The following DOT1L variants were observed in gnomAD, a reference collection of about 807,000 sequenced individuals.
DOT1L encodes DOT1 like histone lysine methyltransferase, also known as histone-lysine N-methyltransferase, H3 lysine-79 specific.
A neutral mutation model predicts 153.3 loss-of-function variants in DOT1L; 33 were observed. The observed-to-expected ratio is 0.22, with a 90% CI of 0.16 to 0.29. The LOEUF is 0.29. Among genes scored for constraint, DOT1L ranks in the 10% least tolerant of loss-of-function variants. DOT1L has a pLI of 1.00. For synonymous variants in DOT1L, 1,135 were observed against 965.1 expected, an observed-to-expected ratio of 1.18 and a Z score of -3.26; for missense variants, 1,847 against 2,119.9, an observed-to-expected ratio of 0.87 and a Z score of 2.53.
intron 9 of DOT1L, among the ~76,000 whole-genome samples, chr19:2,205,143 T>TGTA (rs977845623): frequency 4.6e-5 from 7 of 152,106 alleles, no homozygotes; most frequent in African/African-American, 1.7e-4. Context: ...GCTAATTTTT[T>TGTA]TGTATTTTTA....
At chr19:2,200,760 C>T (rs535587461) in intron 8 of DOT1L, among the ~76,000 whole-genome samples, 279 of 150,506 alleles carry the variant, frequency 1.9e-3, no homozygotes, top group African/African-American at 6.4e-3. Flanking sequence ...TCGTCCTCCC[C>T]GCATTCTTCA....
chr19:2,227,987 C>T (rs1225684666), intron 27 of DOT1L: 2 of 1,279,010 alleles, frequency 1.6e-6, no homozygotes, highest in South Asian at 1.3e-5. Context: ...CCGTCCTCCA[C>T]GCCCCCCCTC....
chr19:2,217,152 G>A lies in DOT1L; in HGVS notation c.2544+62G>A. ...TGCTCAGCAGAGGCGGCCTGAGCGA[G>A]TTGCTAGCAGGAGGGCTTGTCCTAG... On this transcript the variant is annotated intron_variant, in intron 21 of 27. Coordinates refer to ENST00000398665, the MANE Select transcript of DOT1L (RefSeq NM_032482.3). The surrounding 1 kb of genome is among the most constrained non-coding windows in gnomAD (Gnocchi z 7.3). 1 of 1,498,056 alleles carries A rather than the reference G, an allele frequency of 6.7e-7. No homozygotes were observed. Among genetic ancestry groups the A allele is most frequent in the Non-Finnish European group, 8.9e-7 (1 of 1,126,304 alleles). 92.8% of individuals were successfully genotyped at this position (1,498,056 alleles called of 1,614,324 possible).
In DOT1L at chr19:2,228,434, C is replaced by T. The variant is rs542797116; in HGVS notation, c.4606+1307C>T. ...TCACTCCAGACACTGAACTGTCCTTCCTTTGGCAGAGAAGACGGCCACAGG... is the reference window on the plus strand; with the variant it reads ...TCACTCCAGACACTGAACTGTCCTTTCTTTGGCAGAGAAGACGGCCACAGG... On this transcript the variant is annotated intron_variant, in intron 27 of 27. Coordinates refer to ENST00000398665, the MANE Select transcript of DOT1L (RefSeq NM_032482.3). 101 of 1,234,126 alleles carry T rather than the reference C, an allele frequency of 8.2e-5. 2 individuals are homozygous for T. The South Asian group carries it at 1.3e-3, about 16-fold the overall frequency. The allele number at this position is 1,234,126 out of a possible 1,614,324, so 76.4% of individuals were successfully genotyped here. A position where few individuals can be genotyped will look rare whatever the true frequency, so the allele number is the denominator to read the frequency against.
rs575658632 is a variant in DOT1L at position 2,191,632 on chromosome 19, C to T, written c.493+392C>T. On this transcript the variant is annotated intron_variant, in intron 5 of 27. Transcript: ENST00000398665. The surrounding 1 kb of genome is among the most constrained non-coding windows in gnomAD (Gnocchi z 6.8). The stretch of plus-strand genomic sequence containing the variant: ...ACGGCTGCAGCCTGCCGCAGTCCTT[C>T]CCTGGGCACACCTGCTCCCTCCACA... Among the ~76,000 whole-genome samples, 3 of 152,306 alleles carry T rather than the reference C, an allele frequency of 2.0e-5. No individual in the cohort carries two copies. The highest frequency in any genetic ancestry group is 6.5e-5 in the Admixed American group (1 of 15,310).
chr19:2,180,082 T>A (rs901263307), intron 1 of DOT1L, among the ~76,000 whole-genome samples: 1 of 152,016 alleles, frequency 6.6e-6, no homozygotes, highest in African/African-American at 2.4e-5. Context: ...CGGGGAGGGA[T>A]CTGTGTTAGG....
At chr19:2,184,565 A>C (rs1599550992) in intron 2 of DOT1L, among the ~76,000 whole-genome samples, 1 of 151,794 alleles carries the variant, frequency 6.6e-6, no homozygotes, top group South Asian at 2.1e-4. Context: ...TCCCTCCCTG[A>C]CCCCTCCTGC....
intron 1 of DOT1L, among the ~76,000 whole-genome samples, chr19:2,171,622 G>A (rs964488933): frequency 1.3e-5 from 2 of 152,184 alleles, no homozygotes; most frequent in South Asian, 4.1e-4. Flanking sequence ...GACCGCCGCC[G>A]GGTGTCGCTC....
chr19:2,223,266 T>C lies in DOT1L; in HGVS notation c.3391-15T>C, dbSNP rs2144911787. 1 of 1,612,974 alleles carries C rather than the reference T, an allele frequency of 6.2e-7. No individual in the cohort carries two copies. The highest frequency in any genetic ancestry group is 1.1e-5 in the South Asian group (1 of 91,036). ...GTCTGTGGTATGTGCATCCATTGTG[T>C]CTGTCTGCCCTCAGGTCAGTAACAT... is the stretch of plus-strand genomic sequence containing the variant. On this transcript the variant is annotated splice_polypyrimidine_tract_variant and intron_variant, in intron 24 of 27. Coordinates refer to ENST00000398665, the MANE Select transcript of DOT1L (RefSeq NM_032482.3).
Position 2,211,198 on chromosome 19 carries a change from T to A in DOT1L, c.1451T>A (p.Leu484Gln). The part of the protein sequence containing the change: ...PLLVAPTPPA[L>Q]QKLLESFKIQ... ...CTGGTGGCGCCCACCCCGCCCGCGCTGCAGAAGCTTCTAGGTGAGCCCGTG... is the reference window on the plus strand; with the variant it reads ...CTGGTGGCGCCCACCCCGCCCGCGCAGCAGAAGCTTCTAGGTGAGCCCGTG... Residue 484 changes from leucine (L) to glutamine (Q), a missense_variant, in exon 15 of 28, where the codon CTG becomes CAG. Transcript: ENST00000398665. 1 of 1,609,572 alleles carries A rather than the reference T, an allele frequency of 6.2e-7. No individual in the cohort carries two copies. Among genetic ancestry groups the A allele is most frequent in the Non-Finnish European group, 8.5e-7 (1 of 1,178,456 alleles).
At chr19:2,228,367 G>A (rs1169223564) in intron 27 of DOT1L, 1 of 1,305,910 alleles carries the variant, frequency 7.7e-7, no homozygotes, top group Non-Finnish European at 1.0e-6. Context: ...TTAGCTAGCA[G>A]TGCGTATTGT....
At chr19:2,195,046 TG>T (rs1462350790) in intron 7 of DOT1L, among the ~76,000 whole-genome samples, 1 of 152,060 alleles carries the variant, frequency 6.6e-6, no homozygotes, top group East Asian at 1.9e-4. Context: ...CAGTCTCAGG[TG>T]CTCCTCCCAT....
At position 2,229,955 on chromosome 19, in the gene DOT1L, G is replaced by A. The variant is rs2024527477; in HGVS notation, c.*163G>A. ...GGCGGCACGCGCCGCAGGAGGCTGG[G>A]ACTGGTCCAGTTTGTACTGTCGATA... On this transcript the variant is annotated 3_prime_UTR_variant, in exon 28 of 28. Coordinates refer to ENST00000398665, the MANE Select transcript of DOT1L (RefSeq NM_032482.3). 1 of 1,177,526 alleles carries A rather than the reference G, an allele frequency of 8.5e-7. No homozygotes were observed. 72.9% of individuals were successfully genotyped at this position (1,177,526 alleles called of 1,614,324 possible).
At position 2,204,066 on chromosome 19, in the gene DOT1L, A is replaced by T. The variant is rs1337976045; in HGVS notation, c.787+1287A>T. ...CTGCCTTCAGCACCAACGCCCCACA[A>T]CCTGGGGGTTTGGAGGGTGCTTGTG... On this transcript the variant is annotated intron_variant, in intron 9 of 27. Coordinates refer to ENST00000398665, the MANE Select transcript of DOT1L (RefSeq NM_032482.3). The surrounding 1 kb of genome is among the most constrained non-coding windows in gnomAD (Gnocchi z 5.7). Among the ~76,000 whole-genome samples, 1 of 151,904 alleles carries T rather than the reference A, an allele frequency of 6.6e-6. No individual in the cohort carries two copies. The highest frequency in any genetic ancestry group is 2.4e-5 in the African/African-American group (1 of 41,328).
At position 2,193,860 on chromosome 19, in the gene DOT1L, C is replaced by CAGGG; in HGVS notation, c.588+77_588+78insAGGG. On this transcript the variant is annotated intron_variant, in intron 6 of 27. Coordinates refer to ENST00000398665, the MANE Select transcript of DOT1L (RefSeq NM_032482.3). The surrounding 1 kb of genome is among the most constrained non-coding windows in gnomAD (Gnocchi z 5.9). Reference sequence around the variant, plus strand: ...AAGTGACGCCCTGGGTGCCTGCACCCCACTGCTGTGGGACTTCCGAGTCTG... The same window carrying CAGGG: ...AAGTGACGCCCTGGGTGCCTGCACCCAGGGCACTGCTGTGGGACTTCCGAGTCTG... 4 of 1,466,792 alleles carry CAGGG rather than the reference C, an allele frequency of 2.7e-6. No homozygotes were observed. The highest frequency in any genetic ancestry group is 3.7e-6 in the Non-Finnish European group (4 of 1,069,384). 90.9% of individuals were successfully genotyped at this position (1,466,792 alleles called of 1,614,324 possible). A position where few individuals can be genotyped will look rare whatever the true frequency, so the allele number is the denominator to read the frequency against.
At chr19:2,179,493 A>T (rs796494922) in intron 1 of DOT1L, among the ~76,000 whole-genome samples, 66 of 152,326 alleles carry the variant, frequency 4.3e-4, no homozygotes, top group African/African-American at 1.3e-3. Context: ...ATTTAAAAAA[A>T]AATTGTTCAT....
chr19:2,166,308 C>T (rs1400239071), intron 1 of DOT1L, among the ~76,000 whole-genome samples: 1 of 151,302 alleles, frequency 6.6e-6, no homozygotes. Context: ...GTTCATCAGG[C>T]TGCTCTTGAA....
intron 22 of DOT1L, 114 bp from the exon 23 acceptor site, chr19:2,219,994 A>AC (rs2024051650): frequency 1.1e-6 from 1 of 914,866 alleles, no homozygotes. Flanking sequence ...CTGGACGGTG[A>AC]CCCCGGCGGC....
chr19:2,207,891 G>A lies in DOT1L; in HGVS notation c.963+211G>A, dbSNP rs982154633. ...ACCAGGGTCCTCCCAGGCACTGGGC[G>A]TGTCCTGGGTGAGGGCTGAGTGCTG... On this transcript the variant is annotated intron_variant, in intron 11 of 27. Coordinates refer to ENST00000398665, the MANE Select transcript of DOT1L (RefSeq NM_032482.3). The surrounding 1 kb of genome is among the most constrained non-coding windows in gnomAD (Gnocchi z 4.5). 2.6e-5 allele frequency among the ~76,000 whole-genome samples: 4 copies of A among 152,046 alleles called. No homozygotes were observed. The highest frequency in any genetic ancestry group is 5.9e-5 in the Non-Finnish European group (4 of 67,962).
Sources: allele counts gnomAD v4.1 joint callset (sites outside exome capture counted in the v4.1 genomes callset), GRCh38; gene constraint gnomAD v4.1.1; non-coding constraint Gnocchi (gnomAD v3.1); transcripts MANE v1.5; gene names NCBI Gene and HGNC (gene_info 2026-07-23, HGNC 2026-07-21).